The following SCHIP1 variants were observed in gnomAD, a reference collection of about 807,000 sequenced individuals.
SCHIP1 encodes schwannomin-interacting protein 1.
Under a neutral mutation model 29.7 loss-of-function variants are expected in SCHIP1, and 8 were observed. That is an observed-to-expected ratio of 0.27 (90% confidence interval 0.16 to 0.49). The LOEUF is 0.49. SCHIP1 is among the 20% of genes least tolerant of loss of function. SCHIP1 has a pLI of 0.99. For missense variants in SCHIP1, 193 were observed against 294.6 expected (o/e 0.66, Z 2.52); for synonymous variants, 76 against 94.9 (o/e 0.80, Z 1.16).
At chr3:159,308,238 T>C in the SCHIP1 span, among the ~76,000 whole-genome samples, 1 of 152,098 alleles carries the variant, frequency 6.6e-6, no homozygotes, top group Non-Finnish European at 1.5e-5. Flanking sequence ...ATTTGTGTCA[T>C]CTACAGCCTA....
the SCHIP1 span, among the ~76,000 whole-genome samples, chr3:159,578,214 A>G: frequency 2.0e-5 from 3 of 152,314 alleles, no homozygotes; most frequent in South Asian, 2.1e-4. Context: ...GAGCTATCCA[A>G]TACAGTAGCC....
intron 2 of SCHIP1, among the ~76,000 whole-genome samples, chr3:159,873,749 T>C (rs781117614): frequency 6.6e-6 from 1 of 152,260 alleles, no homozygotes; most frequent in Non-Finnish European, 1.5e-5. Flanking sequence ...TCATTTTTTC[T>C]ATTTAAAAGT....
chr3:159,744,073 G>A, the SCHIP1 span, among the ~76,000 whole-genome samples: 6 of 152,118 alleles, frequency 3.9e-5, no homozygotes, highest in African/African-American at 1.4e-4. Flanking sequence ...TACTAAGAGG[G>A]AAGAGGTAGA....
the SCHIP1 span, among the ~76,000 whole-genome samples, chr3:159,726,672 T>TA: frequency 2.6e-5 from 4 of 152,152 alleles, no homozygotes; most frequent in Non-Finnish European, 5.9e-5. Flanking sequence ...TGAAATAGCT[T>TA]ATGGGAACAG....
chr3:159,321,054 T>C, the SCHIP1 span, among the ~76,000 whole-genome samples: 1 of 152,172 alleles, frequency 6.6e-6, no homozygotes, highest in Non-Finnish European at 1.5e-5. Context: ...AACCTCGGTC[T>C]CCTGGGTTCA....
At chr3:159,473,725 C>T in the SCHIP1 span, among the ~76,000 whole-genome samples, 1 of 124,254 alleles carries the variant, frequency 8.0e-6, no homozygotes, top group Non-Finnish European at 1.8e-5. Flanking sequence ...AAGAAAACAA[C>T]CAAAACATTA....
At chr3:159,300,961 T>G in the SCHIP1 span, among the ~76,000 whole-genome samples, 206 of 152,314 alleles carry the variant, frequency 1.4e-3, no homozygotes, top group Non-Finnish European at 1.7e-3. Context: ...ACCTGTCACA[T>G]TCTATCTTAA....
At chr3:159,561,397 A>T in the SCHIP1 span, among the ~76,000 whole-genome samples, 2 of 152,214 alleles carry the variant, frequency 1.3e-5, no homozygotes, top group African/African-American at 4.8e-5. Flanking sequence ...GATCTTTCTT[A>T]AACACCTTGC....
chr3:159,435,081 C>T, the SCHIP1 span, among the ~76,000 whole-genome samples: 1 of 152,142 alleles, frequency 6.6e-6, no homozygotes, highest in Non-Finnish European at 1.5e-5. Context: ...CACTTTAACA[C>T]TCATTTGAAC....
chr3:159,686,066 C>T, the SCHIP1 span, among the ~76,000 whole-genome samples: 1 of 152,056 alleles, frequency 6.6e-6, no homozygotes, highest in African/African-American at 2.4e-5. Flanking sequence ...CAAGGCCCAC[C>T]AAAAGTGGAG....
the SCHIP1 span, among the ~76,000 whole-genome samples, chr3:159,745,941 C>A: frequency 6.6e-6 from 1 of 151,992 alleles, no homozygotes; most frequent in Non-Finnish European, 1.5e-5. Context: ...CAGGTTTGGG[C>A]TGAGAAGAAT....
At chr3:159,300,314 T>C in the SCHIP1 span, among the ~76,000 whole-genome samples, 22,163 of 151,554 alleles carry the variant, frequency 0.15, 2,095 homozygotes, top group Middle Eastern at 0.26. Flanking sequence ...ATTTTTTTTT[T>C]GTAGAGATGA....
chr3:159,426,714 G>T, the SCHIP1 span, among the ~76,000 whole-genome samples: 2 of 152,068 alleles, frequency 1.3e-5, no homozygotes, highest in Non-Finnish European at 2.9e-5. Flanking sequence ...TACCAAAGCT[G>T]GGCAGAGACA....
the SCHIP1 span, among the ~76,000 whole-genome samples, chr3:159,489,312 T>G: frequency 1.3e-5 from 2 of 152,198 alleles, no homozygotes; most frequent in Non-Finnish European, 2.9e-5. Flanking sequence ...CCAGAAACAT[T>G]TATTTATTTA....
chr3:159,291,691 C>G, the SCHIP1 span, among the ~76,000 whole-genome samples: 4 of 152,110 alleles, frequency 2.6e-5, no homozygotes, highest in Non-Finnish European at 5.9e-5. Context: ...ACAGCATCAC[C>G]ACAGTACATA....
At chr3:159,752,728 G>A in the SCHIP1 span, among the ~76,000 whole-genome samples, 3 of 152,064 alleles carry the variant, frequency 2.0e-5, no homozygotes, top group Non-Finnish European at 4.4e-5. Context: ...CCATTCCTGA[G>A]ATATCCACCC....
At chr3:159,879,749 T>C (rs1287563683) in intron 2 of SCHIP1, among the ~76,000 whole-genome samples, 1 of 152,164 alleles carries the variant, frequency 6.6e-6, no homozygotes, top group African/African-American at 2.4e-5. Context: ...GTGAAGGAAA[T>C]GGACACTGAT....
the SCHIP1 span, among the ~76,000 whole-genome samples, chr3:159,462,623 T>C: frequency 1.3e-5 from 2 of 152,172 alleles, no homozygotes; most frequent in Admixed American, 1.3e-4. Flanking sequence ...GATCATGTTA[T>C]TTCCTTGTTC....
chr3:159,360,726 C>CT, the SCHIP1 span, among the ~76,000 whole-genome samples: 1,369 of 151,498 alleles, frequency 9.0e-3, 20 homozygotes, highest in African/African-American at 0.029. Context: ...CTAATAAATG[C>CT]TTTTTTTTTA....
Sources: gnomAD v4.1 joint callset for allele counts (sites outside exome capture counted in the v4.1 genomes callset) on GRCh38, gnomAD v4.1.1 for gene constraint, MANE v1.5 for transcripts, NCBI Gene and HGNC (gene_info 2026-07-23, HGNC 2026-07-21) for gene names.